Variants in KALRN observed in about 807,000 individuals in gnomAD.
KALRN encodes the protein kalirin RhoGEF kinase.
Under a neutral mutation model 353.7 loss-of-function variants are expected in KALRN, and 70 were observed. The ratio of observed to expected loss-of-function variants is 0.20; its 90% CI spans 0.16 to 0.24. The LOEUF is 0.24. Ranked by LOEUF, KALRN falls within the 10% of genes least tolerant of loss-of-function variation. KALRN has a pLI of 1.00. For missense variants in KALRN, 2,791 were observed against 3,756.7 expected (o/e 0.74, Z 6.72); for synonymous variants, 1,391 against 1,434.8 (o/e 0.97, Z 0.69).
chr3:124,490,840 G>A lies in KALRN; in HGVS notation c.4543G>A (p.Asp1515Asn). ...CTTGGTTTTTAGCAAGGAGATCAAA[G>A]ATTCTTCAGGACACACGAAATATGT... is the stretch of plus-strand genomic sequence containing the variant. ...ISLVFSKEIKDSSGHTKYVYK... is the reference protein window; with the variant it reads ...ISLVFSKEIKNSSGHTKYVYK... The change falls in exon 30 of 60, where the codon GAT becomes AAT. Residue 1515 changes from aspartate to asparagine, a missense_variant. Asp to Asn is a conservative substitution (Grantham distance 23, BLOSUM62 1). Coordinates refer to ENST00000682506, the MANE Select transcript of KALRN (RefSeq NM_001388419.1). 6.2e-7 allele frequency: 1 copy of A among 1,613,890 alleles called. No individual in the cohort carries two copies. Among genetic ancestry groups the A allele is most frequent in the Non-Finnish European group, 8.5e-7 (1 of 1,179,982 alleles).
chr3:124,600,717 A>G (rs187203243), intron 34 of KALRN, among the ~76,000 whole-genome samples: 14 of 152,344 alleles, frequency 9.2e-5, no homozygotes, highest in Admixed American at 1.3e-4. Context: ...ATGTGATTCA[A>G]ATAGAGCAAT....
chr3:124,510,961 T>C (rs1272190426), intron 33 of KALRN, among the ~76,000 whole-genome samples: 1 of 152,180 alleles, frequency 6.6e-6, no homozygotes, highest in East Asian at 1.9e-4. Context: ...CACATTTTTT[T>C]TCTGAGTACC....
intron 1 of KALRN, among the ~76,000 whole-genome samples, chr3:124,209,082 T>C (rs906782755): frequency 6.6e-6 from 1 of 152,080 alleles, no homozygotes; most frequent in Admixed American, 6.6e-5. Context: ...TAGCTGCAAT[T>C]GATTATTTAT....
intron 8 of KALRN, 122 bp downstream of exon 8, chr3:124,330,114 C>A: frequency 9.4e-7 from 1 of 1,064,064 alleles, no homozygotes; most frequent in Non-Finnish European, 1.3e-6. Context: ...GGCTGTTTTT[C>A]TTTTTTTTTG....
chr3:124,321,880 G>C (rs755919328), intron 6 of KALRN, among the ~76,000 whole-genome samples: 1 of 152,210 alleles, frequency 6.6e-6, no homozygotes, highest in Non-Finnish European at 1.5e-5. Flanking sequence ...ACCTTGGGCT[G>C]TGCCATACTT....
At chr3:124,280,209 T>C (rs1459147766) in intron 5 of KALRN, among the ~76,000 whole-genome samples, 2 of 152,188 alleles carry the variant, frequency 1.3e-5, no homozygotes, top group East Asian at 3.9e-4. Flanking sequence ...TGTGCATTTT[T>C]CCAGATTCTT....
intron 39 of KALRN, among the ~76,000 whole-genome samples, 155 bp from the exon 40 acceptor site, chr3:124,657,293 G>A (rs929484170): frequency 6.7e-6 from 1 of 150,116 alleles, no homozygotes; most frequent in Non-Finnish European, 1.5e-5. Flanking sequence ...TGCACCAGGG[G>A]TTAAAGACCT....
chr3:124,404,791 T>C (rs1250363840), intron 13 of KALRN, among the ~76,000 whole-genome samples: 1 of 152,064 alleles, frequency 6.6e-6, no homozygotes, highest in African/African-American at 2.4e-5. Context: ...CTACAGGTTC[T>C]TATCTGGGGG....
rs145484416 is a variant in KALRN at position 124,700,667 on chromosome 3, A to G, written c.7996+634A>G. On this transcript the variant is annotated intron_variant, in intron 56 of 59. Coordinates refer to ENST00000682506, the MANE Select transcript of KALRN (RefSeq NM_001388419.1). ...AGAGAAAACTTGGCTATCCTAAAGA[A>G]ATCTCCAAATGGTGAGATTTTGGGC... is the stretch of plus-strand genomic sequence containing the variant. 5.6e-4 allele frequency among the ~76,000 whole-genome samples: 86 copies of G among 152,270 alleles called. 2 individuals are homozygous for G. The East Asian group carries it at 0.016, about 28-fold the overall frequency.
chr3:124,686,435 G>A (rs2061560980), intron 51 of KALRN, among the ~76,000 whole-genome samples: 1 of 152,202 alleles, frequency 6.6e-6, no homozygotes, highest in Non-Finnish European at 1.5e-5. Flanking sequence ...GCCTATGAGT[G>A]TGGTCATTGA....
intron 9 of KALRN, among the ~76,000 whole-genome samples, chr3:124,341,544 A>G (rs151239886): frequency 0.011 from 1,742 of 152,346 alleles, 25 homozygotes; most frequent in Non-Finnish European, 0.018. Flanking sequence ...CAAGTGGGGC[A>G]GTGGGGAAGG....
intron 34 of KALRN, among the ~76,000 whole-genome samples, chr3:124,625,518 C>T (rs915990808): frequency 6.6e-6 from 1 of 151,522 alleles, no homozygotes; most frequent in Non-Finnish European, 1.5e-5. Flanking sequence ...CTCAGGAGTT[C>T]GAAACCAGCC....
At chr3:124,632,852 T>A in intron 35 of KALRN, 149 bp downstream of exon 35, 1 of 797,562 alleles carries the variant, frequency 1.3e-6, no homozygotes, top group Non-Finnish European at 1.9e-6. Flanking sequence ...CTTAAGACAT[T>A]GGCCAGTTTG....
Position 124,253,902 on chromosome 3 carries a change from T to C in KALRN, c.264-10596T>C, listed in dbSNP as rs558963479. Among the ~76,000 whole-genome samples the C allele has an allele frequency of 2.6e-5, 4 of 152,306 alleles. No homozygotes were observed. In the South Asian group the frequency reaches 8.3e-4, roughly 32 times the overall value. Reference sequence around the variant, plus strand: ...CCTGACTGGTCTGCTGGAGTGGTGCTTGTTATGGGTCTCTGCTTCCCCACC... The same window carrying C: ...CCTGACTGGTCTGCTGGAGTGGTGCCTGTTATGGGTCTCTGCTTCCCCACC... On this transcript the variant is annotated intron_variant, in intron 3 of 59. Transcript: ENST00000682506.
chr3:124,642,177 C>T (rs547503902), intron 37 of KALRN, among the ~76,000 whole-genome samples: 110 of 152,052 alleles, frequency 7.2e-4, no homozygotes, highest in African/African-American at 2.6e-3. Flanking sequence ...CCAGCTACTC[C>T]GGAGGCTGAG....
chr3:124,413,415 A>G (rs1179971996), intron 13 of KALRN, 55 bp from the exon 14 acceptor site: 1 of 1,459,060 alleles, frequency 6.9e-7, no homozygotes, highest in Admixed American at 1.9e-5. Flanking sequence ...GCCTTAACCT[A>G]ACAATCTCTC....
At chr3:124,399,670 G>A (rs1391503308) in intron 13 of KALRN, among the ~76,000 whole-genome samples, 1 of 152,172 alleles carries the variant, frequency 6.6e-6, no homozygotes, top group Non-Finnish European at 1.5e-5. Flanking sequence ...ACCTGTATCC[G>A]CAGTTTGATT....
At chr3:124,511,134 C>G (rs570738686) in intron 33 of KALRN, among the ~76,000 whole-genome samples, 11 of 152,236 alleles carry the variant, frequency 7.2e-5, no homozygotes, top group African/African-American at 2.6e-4. Flanking sequence ...CTCTCCCCTT[C>G]CCCTAGTCAA....
At chr3:124,332,583 G>A (rs2080698912) in intron 8 of KALRN, among the ~76,000 whole-genome samples, 1 of 152,062 alleles carries the variant, frequency 6.6e-6, no homozygotes, top group Non-Finnish European at 1.5e-5. Flanking sequence ...AGGGCCATAG[G>A]TGTTGATTGT....
Sources: allele counts gnomAD v4.1 joint callset (sites outside exome capture counted in the v4.1 genomes callset), GRCh38; gene constraint gnomAD v4.1.1; transcripts MANE v1.5; gene names NCBI Gene and HGNC (gene_info 2026-07-23, HGNC 2026-07-21).